Variants in CNTN1 observed in about 807,000 individuals in gnomAD.
The protein encoded by CNTN1 is contactin 1.
In CNTN1, 38 loss-of-function variants were observed where a neutral mutation model predicts 126.4. That is an observed-to-expected ratio of 0.30 (90% CI 0.23 to 0.39). The LOEUF is 0.39. Ranked by LOEUF, CNTN1 falls within the 10% of genes least tolerant of loss-of-function variation. CNTN1 has a pLI of 1.00. For missense variants in CNTN1, 1,009 were observed against 1,248.4 expected (o/e 0.81, Z 2.89); for synonymous variants, 413 against 422.6 (o/e 0.98, Z 0.28).
intron 1 of CNTN1, among the ~76,000 whole-genome samples, chr12:40,844,085 T>TTTTTTTTTTTTTTTTTTTTTTTTTTAAGG (rs1942402633): frequency 6.9e-6 from 1 of 144,916 alleles, no homozygotes; most frequent in Admixed American, 7.1e-5. Context: ...TTTTTTTTTT[T>TTTTTTTTTTTTTTTTTTTTTTTTTTAAGG]GAGACGGAGT....
chr12:40,959,275 T>TTTGAC (rs1947018204), intron 15 of CNTN1, 41 bp downstream of exon 15: 1 of 1,606,016 alleles, frequency 6.2e-7, no homozygotes, highest in Admixed American at 1.7e-5. Flanking sequence ...ACCAAAAGTA[T>TTTGAC]TTGACTTGCA....
At chr12:40,905,196 C>G (rs1279794375) in intron 1 of CNTN1, among the ~76,000 whole-genome samples, 1 of 152,142 alleles carries the variant, frequency 6.6e-6, no homozygotes, top group Non-Finnish European at 1.5e-5. Context: ...CATTCTAGCC[C>G]TAGAAAAGTT....
At chr12:40,830,808 T>C (rs1446255605) in intron 1 of CNTN1, among the ~76,000 whole-genome samples, 1 of 118,752 alleles carries the variant, frequency 8.4e-6, no homozygotes, top group African/African-American at 3.3e-5. Context: ...TATATATATA[T>C]ATATATATAT....
intron 1 of CNTN1, among the ~76,000 whole-genome samples, chr12:40,845,090 G>A (rs566761477): frequency 2.0e-5 from 3 of 152,266 alleles, no homozygotes; most frequent in South Asian, 2.1e-4. Flanking sequence ...ATTGAGATAT[G>A]CTCAGCATCA....
At chr12:40,753,277 T>TA (rs1038075485) in intron 1 of CNTN1, among the ~76,000 whole-genome samples, 30 of 152,202 alleles carry the variant, frequency 2.0e-4, no homozygotes, top group Admixed American at 3.9e-4. Flanking sequence ...TATACTGCTA[T>TA]AAAAAAGAGG....
intron 14 of CNTN1, among the ~76,000 whole-genome samples, chr12:40,946,514 G>T (rs1365768903): frequency 6.6e-6 from 1 of 151,970 alleles, no homozygotes; most frequent in Non-Finnish European, 1.5e-5. Flanking sequence ...AAATAGACAT[G>T]GACACCAGCC....
intron 1 of CNTN1, among the ~76,000 whole-genome samples, chr12:40,880,943 G>T (rs1943849847): frequency 6.6e-6 from 1 of 151,842 alleles, no homozygotes; most frequent in East Asian, 1.9e-4. Context: ...GAACTTCTAA[G>T]GTCAGAAGCT....
chr12:41,047,434 A>G (rs1289299808), intron 23 of CNTN1, among the ~76,000 whole-genome samples: 1 of 152,016 alleles, frequency 6.6e-6, no homozygotes, highest in Non-Finnish European at 1.5e-5. Flanking sequence ...TCTGCAGTCT[A>G]TTCAAAAGTG....
At position 40,929,792 on chromosome 12, in the gene CNTN1, C is replaced by T. The variant is rs772846701; in HGVS notation, c.497-4C>T. On this transcript the variant is annotated splice_polypyrimidine_tract_variant and splice_region_variant and intron_variant, in intron 6 of 23. Transcript: ENST00000551295. ...AATATTTAGAAGGCAATATTTTCTC[C>T]TAGATGATCTTAGCTATCGCTGGCT... The T allele has an allele frequency of 8.1e-6, 13 of 1,608,038 alleles. No individual in the cohort carries two copies. Among genetic ancestry groups the T allele is most frequent in the Non-Finnish European group, 1.1e-5 (13 of 1,175,578 alleles).
At chr12:40,914,162 C>A (rs1945147776) in intron 3 of CNTN1, among the ~76,000 whole-genome samples, 1 of 152,120 alleles carries the variant, frequency 6.6e-6, no homozygotes, top group African/African-American at 2.4e-5. Flanking sequence ...AATTTGTCAT[C>A]TAAGTGTTTC....
chr12:40,720,140 C>T lies in CNTN1; in HGVS notation c.-77+27548C>T, dbSNP rs538096245. Among the ~76,000 whole-genome samples the T allele has an allele frequency of 5.4e-4, 80 of 148,792 alleles. 2 individuals carry two copies. The South Asian group carries it at 0.017, about 31-fold the overall frequency. ...TGCTGGGATTACAGGCATGAGCCACCGCGCCAAGCCTAATGTGGCTTTCTT... is the reference window on the plus strand; with the variant it reads ...TGCTGGGATTACAGGCATGAGCCACTGCGCCAAGCCTAATGTGGCTTTCTT... On this transcript the variant is annotated intron_variant, in intron 1 of 23. Transcript: ENST00000551295.
At chr12:41,008,333 G>A (rs989758613) in intron 17 of CNTN1, among the ~76,000 whole-genome samples, 1 of 152,196 alleles carries the variant, frequency 6.6e-6, no homozygotes, top group Non-Finnish European at 1.5e-5. Flanking sequence ...CAGTCATTTT[G>A]ATGAAATGAA....
rs143236140 is a variant in CNTN1, at chr12:40,796,648, C to T, written c.-77+104056C>T. ...GTGAACTAGAATTAATAATGGTTAA[C>T]GAATGTTCTGTCTTAGGCATCTTGC... On this transcript the variant is annotated intron_variant, in intron 1 of 23. Transcript: ENST00000551295. 5.8e-4 allele frequency among the ~76,000 whole-genome samples: 88 copies of T among 152,156 alleles called. No homozygotes were observed. In the East Asian group the frequency reaches 0.013, roughly 22 times the overall value.
intron 23 of CNTN1, among the ~76,000 whole-genome samples, chr12:41,040,765 G>T (rs1473025892): frequency 9.7e-4 from 146 of 151,066 alleles, no homozygotes; most frequent in Middle Eastern, 3.4e-3. Context: ...CATTGATTTT[G>T]TATCCTGAGA....
intron 23 of CNTN1, among the ~76,000 whole-genome samples, chr12:41,054,322 T>C (rs1949755228): frequency 1.3e-5 from 2 of 152,034 alleles, no homozygotes; most frequent in Admixed American, 6.6e-5. Context: ...TCCTAGAACA[T>C]ATTTGACTAT....
intron 1 of CNTN1, among the ~76,000 whole-genome samples, chr12:40,850,396 T>C (rs1046079287): frequency 6.6e-6 from 1 of 152,190 alleles, no homozygotes; most frequent in Non-Finnish European, 1.5e-5. Flanking sequence ...TTATGTTAGA[T>C]GCATTCCAAA....
chr12:41,058,167 A>G (rs1312497892), intron 23 of CNTN1, among the ~76,000 whole-genome samples: 2 of 152,104 alleles, frequency 1.3e-5, no homozygotes, highest in East Asian at 3.8e-4. Flanking sequence ...GACATAGTAA[A>G]TCCAAAATGA....
At chr12:40,696,459 C>T (rs892383657) in intron 1 of CNTN1, among the ~76,000 whole-genome samples, 1 of 152,196 alleles carries the variant, frequency 6.6e-6, no homozygotes, top group Non-Finnish European at 1.5e-5. Flanking sequence ...ATCAAAACTT[C>T]CAATTTATAA....
intron 17 of CNTN1, among the ~76,000 whole-genome samples, chr12:41,002,251 G>A (rs183477733): frequency 4.7e-3 from 708 of 152,148 alleles, no homozygotes; most frequent in Non-Finnish European, 7.6e-3. Context: ...TTATAGTATT[G>A]ATGCTTTCTA....
Sources: gnomAD v4.1 joint callset for allele counts (sites outside exome capture counted in the v4.1 genomes callset) on GRCh38, gnomAD v4.1.1 for gene constraint, MANE v1.5 for transcripts, NCBI Gene and HGNC (gene_info 2026-07-23, HGNC 2026-07-21) for gene names.